P2RX5: variants seen among roughly 807,000 people sequenced by gnomAD.
The protein encoded by P2RX5 is P2X purinoceptor 5.
P2RX5 carries 46 observed loss-of-function variants against 54.1 expected under a neutral mutation model. The ratio of observed to expected loss-of-function variants is 0.85; its 90% CI spans 0.67 to 1.09. The LOEUF is 1.09. Ranked by LOEUF, P2RX5 falls within the 50% of genes least tolerant of loss-of-function variation. P2RX5 has a pLI of 0.00. For synonymous variants in P2RX5, 226 were observed against 226.4 expected, an observed-to-expected ratio of 1.00 and a Z score of 0.02; for missense variants, 566 against 549.8, an observed-to-expected ratio of 1.03 and a Z score of -0.29.
chr17:3,674,822 G>T (rs1415292374), intron 11 of P2RX5, among the ~76,000 whole-genome samples: 1 of 152,112 alleles, frequency 6.6e-6, no homozygotes. Context: ...ACCTTCTCTG[G>T]CTACTACTCG....
chr17:3,701,804 G>A, the P2RX5 span, among the ~76,000 whole-genome samples: 1 of 142,092 alleles, frequency 7.0e-6, no homozygotes, highest in Non-Finnish European at 1.5e-5. Flanking sequence ...CTCCGAGGCT[G>A]GAGTGCAGTG....
At chr17:3,703,711 G>A in the P2RX5 span, among the ~76,000 whole-genome samples, 1 of 152,062 alleles carries the variant, frequency 6.6e-6, no homozygotes, top group African/African-American at 2.4e-5. Context: ...GCTCTGGTGA[G>A]GGTGAAATAA....
At chr17:3,693,803 A>C (rs1282936256) in intron 1 of P2RX5, among the ~76,000 whole-genome samples, 2 of 152,074 alleles carry the variant, frequency 1.3e-5, no homozygotes, top group African/African-American at 2.4e-5. Flanking sequence ...AAACTTGTAC[A>C]TGAATGTTCT....
At chr17:3,713,456 A>G in the P2RX5 span, among the ~76,000 whole-genome samples, 7 of 152,256 alleles carry the variant, frequency 4.6e-5, no homozygotes, top group Non-Finnish European at 1.0e-4. Context: ...AGTGTTTTTA[A>G]AAATCTCAGC....
chr17:3,700,656 A>G (rs1384102718), upstream of P2RX5, among the ~76,000 whole-genome samples: 3 of 152,110 alleles, frequency 2.0e-5, no homozygotes, highest in African/African-American at 7.2e-5. Flanking sequence ...TCCAAATCGC[A>G]TGTTGAAATG....
chr17:3,707,696 C>T, the P2RX5 span, among the ~76,000 whole-genome samples: 1 of 152,112 alleles, frequency 6.6e-6, no homozygotes, highest in East Asian at 1.9e-4. Context: ...ACAGAGACCA[C>T]ACCTTCAGTC....
At chr17:3,680,231 G>T (rs187323) in intron 10 of P2RX5, among the ~76,000 whole-genome samples, 2 of 88,740 alleles carry the variant, frequency 2.3e-5, no homozygotes, top group African/African-American at 8.5e-5. Context: ...TCCACCCTGC[G>T]TCCTCCACCC....
intron 10 of P2RX5, among the ~76,000 whole-genome samples, chr17:3,681,155 C>G: frequency 6.6e-6 from 1 of 152,126 alleles, no homozygotes; most frequent in Non-Finnish European, 1.5e-5. Context: ...TGGCCAGGGT[C>G]AGGGCGCACG....
At chr17:3,697,773 C>T (rs1363837225), upstream of P2RX5, among the ~76,000 whole-genome samples, 1 of 152,186 alleles carries the variant, frequency 6.6e-6, no homozygotes, top group Non-Finnish European at 1.5e-5. Flanking sequence ...ACTCAACTGC[C>T]ATTTCTTCAA....
the P2RX5 span, among the ~76,000 whole-genome samples, chr17:3,720,775 G>A: frequency 6.6e-6 from 1 of 152,040 alleles, no homozygotes; most frequent in Non-Finnish European, 1.5e-5. Context: ...TAGAGATGGG[G>A]TTTTGCCATG....
chr17:3,695,123 C>A (rs1318498051), intron 1 of P2RX5, among the ~76,000 whole-genome samples: 1 of 152,224 alleles, frequency 6.6e-6, no homozygotes, highest in African/African-American at 2.4e-5. Context: ...TGGAATGAGG[C>A]GCATCCCCAT....
At chr17:3,723,747 G>A in the P2RX5 span, 10 of 1,607,246 alleles carry the variant, frequency 6.2e-6, no homozygotes, top group Non-Finnish European at 7.6e-6. Flanking sequence ...GTGGAGGCCT[G>A]AAACGAGAGC....
Position 3,673,261 on chromosome 17 carries a change from A to C in P2RX5, c.*607T>G. ...GACACCATTTATTGTTTTATGACCAAATAAGAGTGTCAGAGAATACATATC... is the reference window on the plus strand; with the variant it reads ...GACACCATTTATTGTTTTATGACCACATAAGAGTGTCAGAGAATACATATC... On this transcript the variant is annotated 3_prime_UTR_variant, in exon 12 of 12. Transcript: ENST00000225328. 1.0e-6 allele frequency: 1 copy of C among 989,762 alleles called. No individual in the cohort carries two copies. Among genetic ancestry groups the C allele is most frequent in the Non-Finnish European group, 1.2e-6 (1 of 832,190 alleles). 61.3% of individuals were successfully genotyped at this position (989,762 alleles called of 1,614,324 possible).
At chr17:3,717,992 C>A in the P2RX5 span, 1 of 152,212 alleles carries the variant, frequency 6.6e-6, no homozygotes, top group Admixed American at 6.5e-5. Flanking sequence ...TCAAAGCCAC[C>A]TCCCTTTATC....
At chr17:3,696,835 G>A (rs1202097518), upstream of P2RX5, among the ~76,000 whole-genome samples, 1 of 152,174 alleles carries the variant, frequency 6.6e-6, no homozygotes, top group Non-Finnish European at 1.5e-5. Context: ...GAGGCCAGGG[G>A]AGGAAGGAAG....
intron 9 of P2RX5, chr17:3,682,761 A>G (rs1319838207): frequency 6.5e-6 from 1 of 152,906 alleles, no homozygotes; most frequent in East Asian, 1.9e-4. Context: ...GCAGTGGCTC[A>G]CGCCTGTAAT....
At chr17:3,716,903 G>A in the P2RX5 span, 28 of 664,754 alleles carry the variant, frequency 4.2e-5, no homozygotes, top group East Asian at 1.0e-4. Flanking sequence ...GCAACAACCC[G>A]TGTATTGATC....
At chr17:3,723,227 C>G in the P2RX5 span, 1 of 1,125,898 alleles carries the variant, frequency 8.9e-7, no homozygotes, top group Non-Finnish European at 1.4e-6. Context: ...ATTATCTCTT[C>G]TAGGGGCGAT....
At chr17:3,678,020 C>T (rs901331384) in intron 11 of P2RX5, 27 of 985,310 alleles carry the variant, frequency 2.7e-5, no homozygotes, top group South Asian at 4.7e-5. Context: ...TTCAGAGCTG[C>T]GGGTTGTTCT....
Sources: allele counts gnomAD v4.1 joint callset (sites outside exome capture counted in the v4.1 genomes callset), GRCh38; gene constraint gnomAD v4.1.1; transcripts MANE v1.5; gene names NCBI Gene and HGNC (gene_info 2026-07-23, HGNC 2026-07-21).